The following SHANK2 variants were observed in gnomAD, a reference collection of about 807,000 sequenced individuals.
The protein encoded by SHANK2 is SH3 and multiple ankyrin repeat domains 2, also known as SH3 and multiple ankyrin repeat domains protein 2.
SHANK2 carries 43 observed loss-of-function variants against 133.7 expected under a neutral mutation model. That is an observed-to-expected ratio of 0.32 (90% confidence interval 0.25 to 0.41). The LOEUF is 0.41. Among genes scored for constraint, SHANK2 ranks in the 10% least tolerant of loss-of-function variants. The pLI is 1.00. For missense variants in SHANK2, 1,994 were observed against 2,235.8 expected (o/e 0.89, Z 2.18); for synonymous variants, 1,017 against 952.8 (o/e 1.07, Z -1.24).
intron 17 of SHANK2, among the ~76,000 whole-genome samples, chr11:70,614,240 C>T (rs1554995276): frequency 6.6e-6 from 1 of 152,116 alleles, no homozygotes; most frequent in African/African-American, 2.4e-5. Flanking sequence ...GCCCTGCTGA[C>T]ACCCTGACCT....
chr11:70,913,537 G>C (rs1473339587), intron 10 of SHANK2, among the ~76,000 whole-genome samples: 3 of 152,152 alleles, frequency 2.0e-5, no homozygotes, highest in African/African-American at 7.2e-5. Flanking sequence ...AGAAGGGAGG[G>C]AGACCAAGAG....
chr11:70,932,445 C>A (rs1950516381), intron 10 of SHANK2, among the ~76,000 whole-genome samples: 1 of 152,236 alleles, frequency 6.6e-6, no homozygotes, highest in Admixed American at 6.5e-5. Flanking sequence ...CTAAGGGAAG[C>A]AGATGCATGG....
chr11:70,758,375 G>A (rs1040447635), intron 14 of SHANK2, among the ~76,000 whole-genome samples: 1 of 152,156 alleles, frequency 6.6e-6, no homozygotes, highest in South Asian at 2.1e-4. Flanking sequence ...TCCCAGACCC[G>A]CCGTTGACTT....
chr11:70,832,727 C>G lies in SHANK2; in HGVS notation c.1175-12045G>C, dbSNP rs2135403241. On this transcript the variant is annotated intron_variant, in intron 11 of 25. Coordinates refer to ENST00000601538, the MANE Select transcript of SHANK2 (RefSeq NM_012309.5). Reference sequence around the variant, plus strand: ...AACTCCCACCCTACCCCCACCCCCTCTTCTGCCCAGGGCCTTGCATGTACC... The same window carrying G: ...AACTCCCACCCTACCCCCACCCCCTGTTCTGCCCAGGGCCTTGCATGTACC... 2.0e-5 allele frequency among the ~76,000 whole-genome samples: 3 copies of G among 152,170 alleles called. No individual in the cohort carries two copies. The South Asian group carries it at 6.2e-4, about 32-fold the overall frequency.
At chr11:71,197,880 G>A (rs1459377444) in intron 2 of SHANK2, among the ~76,000 whole-genome samples, 1 of 152,154 alleles carries the variant, frequency 6.6e-6, no homozygotes, top group Admixed American at 6.5e-5. Flanking sequence ...CCACGGAAAG[G>A]GCATTTAAAG....
intron 9 of SHANK2, among the ~76,000 whole-genome samples, chr11:71,057,549 C>A (rs1950935007): frequency 6.6e-6 from 1 of 152,030 alleles, no homozygotes; most frequent in African/African-American, 2.4e-5. Context: ...AATCTTTTTA[C>A]ACTTTATTTT....
chr11:71,247,828 G>A (rs782610449), intron 1 of SHANK2, among the ~76,000 whole-genome samples: 14 of 152,124 alleles, frequency 9.2e-5, no homozygotes, highest in South Asian at 2.1e-4. Context: ...CCCCAGAGTC[G>A]CTACCATACC....
chr11:70,548,681 GA>G (rs1171790933), intron 17 of SHANK2, among the ~76,000 whole-genome samples: 2 of 152,230 alleles, frequency 1.3e-5, no homozygotes, highest in Admixed American at 6.5e-5. Context: ...ATTGTGGGTT[GA>G]AAAGTGTTAC....
intron 6 of SHANK2, among the ~76,000 whole-genome samples, chr11:71,103,058 C>T (rs180959075): frequency 1.3e-5 from 2 of 152,344 alleles, no homozygotes; most frequent in East Asian, 3.9e-4. Context: ...GGGCACTAAT[C>T]CCATTCACAA....
chr11:70,492,438 G>C lies in SHANK2; in HGVS notation c.2336C>G (p.Ser779Cys), dbSNP rs1555156137. ...KDKPEEIVPA[S>C]KPSRAAENMA... ...GTTCTCAGCAGCGCGGGAGGGCTTGGAGGCCGGGACTATCTCCTCGGGTTT... is the reference window on the plus strand; with the variant it reads ...GTTCTCAGCAGCGCGGGAGGGCTTGCAGGCCGGGACTATCTCCTCGGGTTT... Residue 779 changes from serine to cysteine, a missense_variant, in exon 22 of 26, where the codon TCC becomes TGC. Transcript: ENST00000601538. 2.5e-6 allele frequency: 4 copies of C among 1,614,046 alleles called. No individual in the cohort carries two copies. Among genetic ancestry groups the C allele is most frequent in the Non-Finnish European group, 3.4e-6 (4 of 1,180,042 alleles).
At position 70,617,546 on chromosome 11, in the gene SHANK2, G is replaced by T. The variant is rs181693313; in HGVS notation, c.2061+42282C>A. Among the ~76,000 whole-genome samples the T allele has an allele frequency of 1.9e-3, 294 of 152,222 alleles. 3 individuals are homozygous for T. Among genetic ancestry groups the T allele is most frequent in the African/African-American group, 6.7e-3 (277 of 41,538 alleles). ...ATCGTGGGCTTCAGAGCAGAGCTAG[G>T]GGGCAGACGCAGCTGTCGCCACGGG... On this transcript the variant is annotated intron_variant, in intron 17 of 25. Coordinates refer to ENST00000601538, the MANE Select transcript of SHANK2 (RefSeq NM_012309.5).
At chr11:71,187,969 T>G (rs1357464590) in intron 2 of SHANK2, among the ~76,000 whole-genome samples, 1 of 152,220 alleles carries the variant, frequency 6.6e-6, no homozygotes, top group African/African-American at 2.4e-5. Context: ...CTGGTGTTGC[T>G]GTGAGGAAGG....
intron 13 of SHANK2, among the ~76,000 whole-genome samples, chr11:70,801,568 T>C (rs111823710): frequency 1.3e-5 from 2 of 152,164 alleles, no homozygotes; most frequent in African/African-American, 4.8e-5. Flanking sequence ...GGCTACCCCA[T>C]TGTTTGCTGA....
chr11:70,634,351 T>A (rs1362798975), intron 17 of SHANK2: 16 of 151,856 alleles, frequency 1.1e-4, no homozygotes, highest in African/African-American at 3.9e-4. Flanking sequence ...AAGAATTTCT[T>A]GGTAACAAAA....
chr11:70,872,067 C>T (rs1386851694), intron 11 of SHANK2, among the ~76,000 whole-genome samples: 3 of 152,156 alleles, frequency 2.0e-5, no homozygotes, highest in Non-Finnish European at 2.9e-5. Context: ...TAGGATGATG[C>T]GTGTGTGGCC....
chr11:71,118,272 T>C (rs1331302401), intron 4 of SHANK2, among the ~76,000 whole-genome samples: 3 of 152,182 alleles, frequency 2.0e-5, no homozygotes, highest in African/African-American at 7.2e-5. Flanking sequence ...GTGAGATTCA[T>C]GGCAAAATCA....
At chr11:71,141,317 A>AC (rs1214375053) in intron 3 of SHANK2, among the ~76,000 whole-genome samples, 1 of 149,708 alleles carries the variant, frequency 6.7e-6, no homozygotes, top group Non-Finnish European at 1.5e-5. Context: ...ACATGGTGAA[A>AC]CCCCCTCTCT....
chr11:70,522,434 C>T (rs948557966), intron 17 of SHANK2, among the ~76,000 whole-genome samples: 3 of 152,236 alleles, frequency 2.0e-5, no homozygotes, highest in South Asian at 2.1e-4. Context: ...CAGGCACGGG[C>T]GCCCTCCCAG....
chr11:70,818,206 T>A (rs2135332523), intron 12 of SHANK2, among the ~76,000 whole-genome samples: 1 of 151,914 alleles, frequency 6.6e-6, no homozygotes, highest in Non-Finnish European at 1.5e-5. Flanking sequence ...AATGATTCTC[T>A]CTCTAACATG....
Sources: allele counts gnomAD v4.1 joint callset (sites outside exome capture counted in the v4.1 genomes callset), GRCh38; gene constraint gnomAD v4.1.1; transcripts MANE v1.5; gene names NCBI Gene and HGNC (gene_info 2026-07-23, HGNC 2026-07-21).